Variants in MTUS2 observed in about 807,000 individuals in gnomAD.
The protein encoded by MTUS2 is microtubule-associated tumor suppressor candidate 2.
Under a neutral mutation model 114.1 loss-of-function variants are expected in MTUS2, and 40 were observed. The ratio of observed to expected loss-of-function variants is 0.35; its 90% CI spans 0.27 to 0.46. The LOEUF is 0.46. Among genes scored for constraint, MTUS2 ranks in the 20% least tolerant of loss-of-function variants. MTUS2 has a pLI of 1.00. For missense variants in MTUS2, 1,679 were observed against 1,705.4 expected (o/e 0.98, Z 0.27); for synonymous variants, 688 against 672.0 (o/e 1.02, Z -0.37).
chr13:29,362,720 T>A (rs1870370088), intron 8 of MTUS2, among the ~76,000 whole-genome samples: 1 of 152,142 alleles, frequency 6.6e-6, no homozygotes, highest in South Asian at 2.1e-4. Context: ...ATGAAAATAA[T>A]TTTCTAGTAT....
chr13:29,016,796 C>G lies in MTUS2; in HGVS notation c.-242-7661C>G, dbSNP rs111767213. Reference sequence around the variant, plus strand: ...TAAGATAAAGAGAACAAAGCAGGCTCCAGAGAGCTATTATATTTTGTGTTA... The same window carrying G: ...TAAGATAAAGAGAACAAAGCAGGCTGCAGAGAGCTATTATATTTTGTGTTA... On this transcript the variant is annotated intron_variant, in intron 2 of 15. Coordinates refer to ENST00000612955, the MANE Select transcript of MTUS2 (RefSeq NM_001033602.4). Among the ~76,000 whole-genome samples, 620 of 152,274 alleles carry G rather than the reference C, an allele frequency of 4.1e-3. 4 individuals are homozygous for G. The highest frequency in any genetic ancestry group is 0.014 in the African/African-American group (588 of 41,558).
At position 29,031,803 on chromosome 13, in the gene MTUS2, C is replaced by G. The variant is rs1026034678; in HGVS notation, c.2206-2082C>G. Reference sequence around the variant, plus strand: ...AAATTAACCATCCCAGACACCCTTCCCCCACCACTATCCCAGTGGCTTGTT... The same window carrying G: ...AAATTAACCATCCCAGACACCCTTCGCCCACCACTATCCCAGTGGCTTGTT... On this transcript the variant is annotated intron_variant, in intron 3 of 15. Coordinates refer to ENST00000612955, the MANE Select transcript of MTUS2 (RefSeq NM_001033602.4). 1.3e-4 allele frequency among the ~76,000 whole-genome samples: 20 copies of G among 152,118 alleles called. 1 individual carries two copies. The highest frequency in any genetic ancestry group is 4.8e-4 in the African/African-American group (20 of 41,478).
At chr13:29,191,272 A>G (rs1003867371) in intron 5 of MTUS2, among the ~76,000 whole-genome samples, 1 of 152,128 alleles carries the variant, frequency 6.6e-6, no homozygotes, top group African/African-American at 2.4e-5. Flanking sequence ...AGTGGCTTCA[A>G]CATTCCATCA....
At chr13:28,892,220 A>G (rs1037291869) in intron 2 of MTUS2, among the ~76,000 whole-genome samples, 22 of 152,330 alleles carry the variant, frequency 1.4e-4, no homozygotes, top group Admixed American at 1.4e-3. Flanking sequence ...GATGCCCGGC[A>G]TAGTGAATGC....
intron 2 of MTUS2, among the ~76,000 whole-genome samples, chr13:28,840,643 C>A (rs1875410369): frequency 1.3e-5 from 2 of 152,190 alleles, no homozygotes; most frequent in African/African-American, 2.4e-5. Context: ...CCCGATGCCT[C>A]CGTAAACATG....
intron 5 of MTUS2, among the ~76,000 whole-genome samples, chr13:29,148,786 G>A (rs1892549592): frequency 6.7e-6 from 1 of 150,286 alleles, no homozygotes; most frequent in Admixed American, 6.7e-5. Flanking sequence ...CCCTGTGTTT[G>A]GTTTTCTGTT....
At position 29,480,787 on chromosome 13, in the gene MTUS2, CTTAT is replaced by C. The variant is rs1210531421; in HGVS notation, c.3399+428_3399+431del. On this transcript the variant is annotated intron_variant, in intron 10 of 15. Transcript: ENST00000612955. The surrounding 1 kb of genome is among the most constrained non-coding windows in gnomAD (Gnocchi z 4.4). ...AACACATACATTTTTGCTTTTCTAC[CTTAT>C]TTATCATCTTTCTATTCCATGAGGG... 3.3e-5 allele frequency among the ~76,000 whole-genome samples: 5 copies of C among 152,032 alleles called. No homozygotes were observed. Among genetic ancestry groups the C allele is most frequent in the African/African-American group, 1.2e-4 (5 of 41,380 alleles).
chr13:29,004,550 A>G (rs1217946781), intron 2 of MTUS2, among the ~76,000 whole-genome samples: 2 of 152,248 alleles, frequency 1.3e-5, no homozygotes, highest in African/African-American at 4.8e-5. Flanking sequence ...ATGAGAAGAA[A>G]ACATGGATCT....
At chr13:29,362,173 A>T (rs1399580773) in intron 8 of MTUS2, among the ~76,000 whole-genome samples, 1 of 152,188 alleles carries the variant, frequency 6.6e-6, no homozygotes, top group Admixed American at 6.5e-5. Flanking sequence ...CTTTATAGAG[A>T]TGGGTCTCAC....
intron 9 of MTUS2, among the ~76,000 whole-genome samples, chr13:29,442,975 G>A (rs919273245): frequency 2.0e-5 from 3 of 152,200 alleles, no homozygotes; most frequent in African/African-American, 7.2e-5. Flanking sequence ...TATGAGGGCT[G>A]TCAAGTCTGT....
chr13:29,048,796 G>A (rs1887753596), intron 4 of MTUS2, among the ~76,000 whole-genome samples: 2 of 152,076 alleles, frequency 1.3e-5, no homozygotes, highest in Admixed American at 1.3e-4. Context: ...ATAGTGGTGG[G>A]GTCTTGCTGT....
intron 2 of MTUS2, among the ~76,000 whole-genome samples, chr13:29,013,214 A>G (rs1240908028): frequency 6.6e-6 from 1 of 152,154 alleles, no homozygotes; most frequent in Non-Finnish European, 1.5e-5. Context: ...ACACAAGCAC[A>G]TAACATTGGT....
At chr13:29,306,904 A>G in intron 6 of MTUS2, 1 of 521,640 alleles carries the variant, frequency 1.9e-6, no homozygotes, top group South Asian at 1.4e-5. Flanking sequence ...CCTCAACTAC[A>G]TGGTCTACAT....
At chr13:28,922,712 T>A (rs1881112115) in intron 2 of MTUS2, among the ~76,000 whole-genome samples, 1 of 152,118 alleles carries the variant, frequency 6.6e-6, no homozygotes, top group Non-Finnish European at 1.5e-5. Flanking sequence ...GGGAGACGGG[T>A]GGCATTGGCA....
intron 7 of MTUS2, among the ~76,000 whole-genome samples, chr13:29,356,349 G>C (rs370145413): frequency 6.6e-6 from 1 of 152,274 alleles, no homozygotes; most frequent in East Asian, 1.9e-4. Context: ...CTAATTATCC[G>C]ATACAAACCT....
At chr13:29,358,680 C>T (rs1446400545) in intron 7 of MTUS2, among the ~76,000 whole-genome samples, 1 of 152,090 alleles carries the variant, frequency 6.6e-6, no homozygotes, top group East Asian at 1.9e-4. Flanking sequence ...CGTCAAGTCA[C>T]ATTGGAGGGA....
At chr13:29,348,510 A>C (rs9579353) in intron 7 of MTUS2, among the ~76,000 whole-genome samples, 122,116 of 151,680 alleles carry the variant, frequency 0.81, 50,178 homozygotes, top group East Asian at 0.9. Flanking sequence ...CATTTCATGC[A>C]TACTTAAAAA....
intron 9 of MTUS2, among the ~76,000 whole-genome samples, chr13:29,444,057 A>G (rs972322786): frequency 6.6e-6 from 1 of 152,212 alleles, no homozygotes; most frequent in South Asian, 2.1e-4. Flanking sequence ...TGCTGCCCTA[A>G]ATTCCACCAA....
intron 10 of MTUS2, among the ~76,000 whole-genome samples, chr13:29,483,650 G>A (rs571280581): frequency 6.6e-6 from 1 of 152,222 alleles, no homozygotes; most frequent in East Asian, 1.9e-4. Context: ...TGAGGGAGGG[G>A]CGCTGAGGGG....
Sources: allele counts gnomAD v4.1 joint callset (sites outside exome capture counted in the v4.1 genomes callset), GRCh38; gene constraint gnomAD v4.1.1; non-coding constraint Gnocchi (gnomAD v3.1); transcripts MANE v1.5; gene names NCBI Gene and HGNC (gene_info 2026-07-23, HGNC 2026-07-21).